Variants in DLGAP2 observed in about 807,000 individuals in gnomAD.
DLGAP2 encodes the protein DLG associated protein 2, also known as disks large-associated protein 2.
Under a neutral mutation model 100.3 loss-of-function variants are expected in DLGAP2, and 26 were observed. That is an observed-to-expected ratio of 0.26 (90% CI 0.19 to 0.36). The LOEUF is 0.36. Ranked by LOEUF, DLGAP2 falls within the 10% of genes least tolerant of loss-of-function variation. DLGAP2 has a pLI of 1.00. For synonymous variants in DLGAP2, 886 were observed against 630.1 expected (o/e 1.41, Z -6.08); for missense variants, 1,858 against 1,453.2 (o/e 1.28, Z -4.53).
chr8:1,307,145 T>A (rs1430793667), intron 3 of DLGAP2, among the ~76,000 whole-genome samples: 1 of 147,480 alleles, frequency 6.8e-6, no homozygotes, highest in Non-Finnish European at 1.5e-5. Context: ...CATATATCAA[T>A]CTGAAAATGG....
intron 3 of DLGAP2, among the ~76,000 whole-genome samples, chr8:1,313,492 G>A (rs887138980): frequency 5.3e-5 from 8 of 152,008 alleles, no homozygotes; most frequent in African/African-American, 1.7e-4. Context: ...GGTAAAGTCC[G>A]GAATTTTGAT....
intron 3 of DLGAP2, among the ~76,000 whole-genome samples, chr8:1,449,687 CA>C (rs1798083243): frequency 6.6e-6 from 1 of 152,206 alleles, no homozygotes; most frequent in Non-Finnish European, 1.5e-5. Context: ...AAGGTGGGAG[CA>C]GGGGGTGTGC....
intron 3 of DLGAP2, among the ~76,000 whole-genome samples, chr8:1,463,354 G>A (rs548769950): frequency 2.0e-5 from 3 of 152,234 alleles, no homozygotes; most frequent in South Asian, 2.1e-4. Context: ...ACTGCGTTAC[G>A]TGTGTCATAA....
At chr8:1,364,392 C>G (rs1305544020) in intron 3 of DLGAP2, among the ~76,000 whole-genome samples, 1 of 151,848 alleles carries the variant, frequency 6.6e-6, no homozygotes, top group African/African-American at 2.4e-5. Context: ...GGAGTGGTCT[C>G]CTGCTGTGGG....
At chr8:1,013,337 A>T (rs971998342) in intron 2 of DLGAP2, among the ~76,000 whole-genome samples, 4 of 152,218 alleles carry the variant, frequency 2.6e-5, no homozygotes, top group Non-Finnish European at 4.4e-5. Flanking sequence ...AGGAAAAGCC[A>T]CAGGCACAGA....
chr8:1,255,029 C>A (rs1170560583), intron 2 of DLGAP2, among the ~76,000 whole-genome samples: 27 of 107,528 alleles, frequency 2.5e-4, no homozygotes, highest in Non-Finnish European at 3.9e-4. Context: ...TGTGTGTCTT[C>A]TCCTGCCCAG....
chr8:1,303,438 G>C (rs1025896271), intron 3 of DLGAP2, among the ~76,000 whole-genome samples: 4 of 149,662 alleles, frequency 2.7e-5, no homozygotes, highest in Non-Finnish European at 5.9e-5. Context: ...GGAAGGAGAA[G>C]AGGAGTGTTT....
intron 2 of DLGAP2, among the ~76,000 whole-genome samples, chr8:941,893 A>G (rs1174585598): frequency 2.6e-5 from 4 of 151,940 alleles, no homozygotes; most frequent in African/African-American, 7.3e-5. Context: ...CATTAAACTC[A>G]GCATTTACAG....
At chr8:1,483,550 G>A (rs1799159353) in intron 3 of DLGAP2, among the ~76,000 whole-genome samples, 1 of 147,074 alleles carries the variant, frequency 6.8e-6, no homozygotes, top group African/African-American at 2.7e-5. Flanking sequence ...CAGGAAGCAG[G>A]ACCTGAGGGC....
At chr8:1,303,616 A>C (rs1349243331) in intron 3 of DLGAP2, among the ~76,000 whole-genome samples, 1 of 152,100 alleles carries the variant, frequency 6.6e-6, no homozygotes, top group Non-Finnish European at 1.5e-5. Flanking sequence ...AATCAGTAGA[A>C]AGTCCTCCAT....
At chr8:1,518,259 C>T (rs1268303997) in intron 4 of DLGAP2, among the ~76,000 whole-genome samples, 1 of 152,206 alleles carries the variant, frequency 6.6e-6, no homozygotes, top group Non-Finnish European at 1.5e-5. Context: ...AAATTGCATT[C>T]TGGCCCTAAT....
chr8:1,436,536 A>C (rs949620303), intron 3 of DLGAP2, among the ~76,000 whole-genome samples: 1 of 152,182 alleles, frequency 6.6e-6, no homozygotes, highest in African/African-American at 2.4e-5. Flanking sequence ...ACCCAGGACA[A>C]TACTTTGCAT....
chr8:1,298,390 G>A (rs192960355), intron 3 of DLGAP2, among the ~76,000 whole-genome samples: 12 of 152,286 alleles, frequency 7.9e-5, no homozygotes, highest in South Asian at 4.1e-4. Context: ...CACTGTCGCC[G>A]TCCCTCAGTG....
intron 6 of DLGAP2, among the ~76,000 whole-genome samples, chr8:1,615,176 G>C (rs1242027968): frequency 6.6e-6 from 1 of 152,098 alleles, no homozygotes; most frequent in Non-Finnish European, 1.5e-5. Context: ...AAAAAGTTTA[G>C]TTTCCAGCTG....
At chr8:1,316,688 C>A (rs1800759333) in intron 3 of DLGAP2, among the ~76,000 whole-genome samples, 2 of 141,410 alleles carry the variant, frequency 1.4e-5, no homozygotes, top group South Asian at 2.3e-4. Flanking sequence ...AAAAATACAG[C>A]GTGCGTGAGT....
intron 4 of DLGAP2, among the ~76,000 whole-genome samples, chr8:1,520,615 A>C (rs1351842968): frequency 6.6e-6 from 1 of 152,160 alleles, no homozygotes; most frequent in Non-Finnish European, 1.5e-5. Context: ...ACCCCTGGCA[A>C]ACACTGACTC....
At chr8:1,472,233 G>A (rs530363293) in intron 3 of DLGAP2, among the ~76,000 whole-genome samples, 8 of 152,322 alleles carry the variant, frequency 5.3e-5, no homozygotes, top group African/African-American at 1.9e-4. Flanking sequence ...TGTTGGGAGG[G>A]GAGGGGGGTT....
intron 3 of DLGAP2, among the ~76,000 whole-genome samples, chr8:1,392,471 G>T (rs929216138): frequency 6.6e-6 from 1 of 152,264 alleles, no homozygotes; most frequent in Non-Finnish European, 1.5e-5. Context: ...CTTGGACGCC[G>T]CGTGGTCCTT....
At chr8:1,048,697 G>A (rs1265631747) in intron 2 of DLGAP2, among the ~76,000 whole-genome samples, 2 of 152,072 alleles carry the variant, frequency 1.3e-5, no homozygotes, top group African/African-American at 4.8e-5. Flanking sequence ...AGAAGATGCC[G>A]CCCGAGGCCC....
Sources: gnomAD v4.1 joint callset for allele counts (sites outside exome capture counted in the v4.1 genomes callset) on GRCh38, gnomAD v4.1.1 for gene constraint, MANE v1.5 for transcripts, NCBI Gene and HGNC (gene_info 2026-07-23, HGNC 2026-07-21) for gene names.